SUCLA2: variants seen among roughly 807,000 people sequenced by gnomAD.
SUCLA2 encodes succinate-CoA ligase ADP-forming subunit beta, also known as succinate--CoA ligase [ADP-forming] subunit beta, mitochondrial.
A neutral mutation model predicts 54.8 loss-of-function variants in SUCLA2; 30 were observed. The ratio of observed to expected loss-of-function variants is 0.55; its 90% confidence interval spans 0.41 to 0.74. The LOEUF is 0.74. SUCLA2 is among the 30% of genes least tolerant of loss of function. The pLI is 0.00. For synonymous variants in SUCLA2, 172 were observed against 188.9 expected (o/e 0.91, Z 0.74); for missense variants, 476 against 562.9 (o/e 0.85, Z 1.56).
chr13:47,958,969 T>C (rs148922322), intron 6 of SUCLA2, among the ~76,000 whole-genome samples: 185 of 152,334 alleles, frequency 1.2e-3, no homozygotes, highest in Non-Finnish European at 2.0e-3. Flanking sequence ...TTGATGCTCA[T>C]TGGATATCTG....
At chr13:47,958,649 T>C (rs1480425184) in intron 6 of SUCLA2, among the ~76,000 whole-genome samples, 2 of 152,170 alleles carry the variant, frequency 1.3e-5, no homozygotes, top group African/African-American at 2.4e-5. Flanking sequence ...TATAAAACTA[T>C]AAACCCAGCC....
At chr13:47,981,378 A>G (rs560585813) in intron 4 of SUCLA2, among the ~76,000 whole-genome samples, 2 of 152,358 alleles carry the variant, frequency 1.3e-5, no homozygotes, top group African/African-American at 2.4e-5. Flanking sequence ...AGTATCACTA[A>G]TAACGGGGGA....
At chr13:47,958,526 G>T (rs551989802) in intron 6 of SUCLA2, among the ~76,000 whole-genome samples, 4 of 152,302 alleles carry the variant, frequency 2.6e-5, no homozygotes, top group African/African-American at 9.6e-5. Context: ...CTTTAAAATA[G>T]TTAGTAAAAT....
chr13:47,983,436 C>G (rs1164257117), intron 4 of SUCLA2, among the ~76,000 whole-genome samples: 2 of 151,292 alleles, frequency 1.3e-5, no homozygotes, highest in Admixed American at 1.3e-4. Flanking sequence ...AGGAGAGGTA[C>G]AGACCAACAA....
intron 8 of SUCLA2, among the ~76,000 whole-genome samples, chr13:47,951,686 A>C (rs1274609090): frequency 6.6e-6 from 1 of 152,148 alleles, no homozygotes; most frequent in African/African-American, 2.4e-5. Context: ...ATCCCATGCA[A>C]GCTCTCTAAC....
At chr13:47,956,265 TATA>T (rs759051631) in intron 6 of SUCLA2, among the ~76,000 whole-genome samples, 29 of 151,906 alleles carry the variant, frequency 1.9e-4, no homozygotes, top group East Asian at 1.2e-3. Context: ...AACTAAAAAG[TATA>T]ATATCTGAAA....
At chr13:47,954,940 C>CGTACATTATAAAT (rs1949807727) in intron 6 of SUCLA2, among the ~76,000 whole-genome samples, 1 of 152,108 alleles carries the variant, frequency 6.6e-6, no homozygotes, top group African/African-American at 2.4e-5. Context: ...TTCTGTCTCC[C>CGTACATTATAAAT]CTACATTATA....
intron 2 of SUCLA2, among the ~76,000 whole-genome samples, chr13:47,991,264 CT>C (rs1318634021): frequency 6.6e-6 from 1 of 152,202 alleles, no homozygotes; most frequent in Non-Finnish European, 1.5e-5. Context: ...ACCCTCTACA[CT>C]TTTTATCTCC....
chr13:47,943,133 G>T lies in SUCLA2; in HGVS notation c.*238C>A, dbSNP rs1375119492. The T allele has an allele frequency of 1.5e-5, 7 of 476,308 alleles. No homozygotes were observed. The highest frequency in any genetic ancestry group is 2.6e-5 in the Non-Finnish European group (7 of 264,328). The allele number at this position is 476,308 out of a possible 1,614,324, so 29.5% of individuals were successfully genotyped here. ...TTGCAAGTTACGTTTTGTAGGAGAAGCAAAAAAGACTGGCTGCGACAAAAG... is the reference window on the plus strand; with the variant it reads ...TTGCAAGTTACGTTTTGTAGGAGAATCAAAAAAGACTGGCTGCGACAAAAG... On this transcript the variant is annotated 3_prime_UTR_variant, in exon 11 of 11. Coordinates refer to ENST00000646932, the MANE Select transcript of SUCLA2 (RefSeq NM_003850.3).
chr13:47,949,478 C>T lies in SUCLA2; in HGVS notation c.1228+5G>A, dbSNP rs1034646210. On this transcript the variant is annotated splice_donor_5th_base_variant and intron_variant, in intron 9 of 10. Coordinates refer to ENST00000646932, the MANE Select transcript of SUCLA2 (RefSeq NM_003850.3). ...GAACAACTGCAAGATACCTTTTATACTCACCTTGTAACCGTACCACAACAG... is the reference window on the plus strand; with the variant it reads ...GAACAACTGCAAGATACCTTTTATATTCACCTTGTAACCGTACCACAACAG... 6.2e-7 allele frequency: 1 copy of T among 1,613,396 alleles called. No homozygotes were observed. The highest frequency in any genetic ancestry group is 1.3e-5 in the African/African-American group (1 of 75,006).
chr13:47,965,185 G>A (rs1165674064), intron 6 of SUCLA2, among the ~76,000 whole-genome samples: 2 of 151,842 alleles, frequency 1.3e-5, no homozygotes, highest in East Asian at 3.9e-4. Context: ...TAAATATAGA[G>A]GGAATGATGT....
chr13:47,984,476 A>G (rs993713397), intron 4 of SUCLA2, among the ~76,000 whole-genome samples: 1 of 152,130 alleles, frequency 6.6e-6, no homozygotes, highest in Non-Finnish European at 1.5e-5. Flanking sequence ...TGTCGGGATT[A>G]CAGGTGTCAG....
chr13:47,967,706 C>T (rs143377869), intron 6 of SUCLA2, among the ~76,000 whole-genome samples: 14 of 151,634 alleles, frequency 9.2e-5, no homozygotes, highest in African/African-American at 2.4e-4. Context: ...TATCCAGGCG[C>T]GGTGGTGCAT....
intron 9 of SUCLA2, 118 bp from the exon 10 acceptor site, chr13:47,949,146 G>A: frequency 4.9e-6 from 5 of 1,010,850 alleles, no homozygotes; most frequent in Non-Finnish European, 7.7e-6. Flanking sequence ...CCATTATTTA[G>A]TATAAACACT....
chr13:47,949,092 T>C, intron 9 of SUCLA2, 64 bp from the exon 10 acceptor site: 1 of 1,502,222 alleles, frequency 6.7e-7, no homozygotes, highest in East Asian at 2.3e-5. Flanking sequence ...TTAAAATGTT[T>C]GCCAAAACAT....
At chr13:47,970,524 T>C (rs1472005001) in intron 5 of SUCLA2, among the ~76,000 whole-genome samples, 1 of 152,224 alleles carries the variant, frequency 6.6e-6, no homozygotes, top group Non-Finnish European at 1.5e-5. Context: ...TGCTTTATTC[T>C]CCATCAGAAA....
intron 6 of SUCLA2, among the ~76,000 whole-genome samples, chr13:47,958,349 T>TTG (rs1949838432): frequency 6.6e-6 from 1 of 152,118 alleles, no homozygotes; most frequent in African/African-American, 2.4e-5. Context: ...GGATTTTCAT[T>TTG]TGTGTGTGTG....
chr13:47,973,199 C>T lies in SUCLA2; in HGVS notation c.663+65G>A, dbSNP rs180746805. On this transcript the variant is annotated intron_variant, in intron 5 of 10. Coordinates refer to ENST00000646932, the MANE Select transcript of SUCLA2 (RefSeq NM_003850.3). ...AGTTTTGACAATTACTTCAGTTGTA[C>T]GGTTATCTTTAAGTATCATAATTCT... 1,982 of 1,379,734 alleles carry T rather than the reference C, an allele frequency of 1.4e-3. 3 individuals carry two copies. The highest frequency in any genetic ancestry group is 1.7e-3 in the Non-Finnish European group (1,684 of 972,128). The allele number at this position is 1,379,734 out of a possible 1,614,324, so 85.5% of individuals were successfully genotyped here.
chr13:47,975,781 C>A (rs1167414964), intron 4 of SUCLA2, among the ~76,000 whole-genome samples: 7 of 152,208 alleles, frequency 4.6e-5, no homozygotes, highest in Middle Eastern at 6.8e-3. Flanking sequence ...GACCAAGGAG[C>A]CGCATGGTGG....
Sources: allele counts gnomAD v4.1 joint callset (sites outside exome capture counted in the v4.1 genomes callset), GRCh38; gene constraint gnomAD v4.1.1; transcripts MANE v1.5; gene names NCBI Gene and HGNC (gene_info 2026-07-23, HGNC 2026-07-21).